ST6GALNAC3: variants seen among roughly 807,000 people sequenced by gnomAD.
The protein encoded by ST6GALNAC3 is ST6 N-acetylgalactosaminide alpha-2,6-sialyltransferase 3.
ST6GALNAC3 carries 25 observed loss-of-function variants against 32.7 expected under a neutral mutation model. The observed-to-expected ratio is 0.76, with a 90% confidence interval of 0.56 to 1.07. The LOEUF is 1.07. Ranked by LOEUF, ST6GALNAC3 falls within the 50% of genes least tolerant of loss-of-function variation. ST6GALNAC3 has a pLI of 0.00. For missense variants in ST6GALNAC3, 355 were observed against 382.4 expected (o/e 0.93, Z 0.60); for synonymous variants, 129 against 133.1 (o/e 0.97, Z 0.21).
intron 3 of ST6GALNAC3, among the ~76,000 whole-genome samples, chr1:76,432,350 T>C (rs898404794): frequency 5.3e-5 from 8 of 152,048 alleles, no homozygotes; most frequent in African/African-American, 1.2e-4. Flanking sequence ...TTTGTGTGCA[T>C]GTAAATTTTC....
chr1:76,570,521 G>A (rs1003459527), intron 3 of ST6GALNAC3, among the ~76,000 whole-genome samples: 2 of 151,900 alleles, frequency 1.3e-5, no homozygotes, highest in Non-Finnish European at 2.9e-5. Context: ...TACTTCATAG[G>A]AAACTACTTA....
At chr1:76,176,209 T>A (rs976831520) in intron 1 of ST6GALNAC3, among the ~76,000 whole-genome samples, 3 of 152,224 alleles carry the variant, frequency 2.0e-5, no homozygotes, top group Non-Finnish European at 4.4e-5. Context: ...CTGCTGGGGC[T>A]GCAAATGCTC....
At chr1:76,221,268 A>G (rs1008982754) in intron 1 of ST6GALNAC3, among the ~76,000 whole-genome samples, 3 of 152,196 alleles carry the variant, frequency 2.0e-5, no homozygotes, top group African/African-American at 7.2e-5. Flanking sequence ...CCTTAATACT[A>G]CAAAGTCATA....
At chr1:76,182,292 G>A (rs904418771) in intron 1 of ST6GALNAC3, among the ~76,000 whole-genome samples, 1 of 152,162 alleles carries the variant, frequency 6.6e-6, no homozygotes, top group Non-Finnish European at 1.5e-5. Context: ...GCACTGGGCA[G>A]CCACTCTTAA....
At chr1:76,407,636 T>G (rs1653925715) in intron 2 of ST6GALNAC3, among the ~76,000 whole-genome samples, 1 of 151,898 alleles carries the variant, frequency 6.6e-6, no homozygotes, top group Admixed American at 6.6e-5. Context: ...CAAAGATGCT[T>G]TGAGTGCACA....
chr1:76,202,708 A>T (rs1011454805), intron 1 of ST6GALNAC3, among the ~76,000 whole-genome samples: 6 of 152,138 alleles, frequency 3.9e-5, no homozygotes, highest in Non-Finnish European at 7.4e-5. Flanking sequence ...GTTGAGTTCA[A>T]TTTTTTGTCA....
At chr1:76,240,867 T>C (rs1159843953) in intron 1 of ST6GALNAC3, among the ~76,000 whole-genome samples, 2 of 152,238 alleles carry the variant, frequency 1.3e-5, no homozygotes, top group African/African-American at 4.8e-5. Flanking sequence ...TTGACTGAGA[T>C]CGCTGGAAAA....
intron 2 of ST6GALNAC3, among the ~76,000 whole-genome samples, chr1:76,350,677 TTATA>T (rs962952951): frequency 2.6e-5 from 4 of 152,192 alleles, no homozygotes; most frequent in African/African-American, 7.2e-5. Context: ...AAGCCTTGTG[TTATA>T]TCAACTCTGT....
At chr1:76,494,450 TATATATATATATATATATAC>T (rs1361671736) in intron 3 of ST6GALNAC3, among the ~76,000 whole-genome samples, 5,018 of 90,832 alleles carry the variant, frequency 0.055, 471 homozygotes, top group African/African-American at 0.15. Context: ...TATATATATA[TATATATATATATATATATAC>T]ACACACACAC....
intron 2 of ST6GALNAC3, among the ~76,000 whole-genome samples, chr1:76,385,669 A>C (rs908925142): frequency 2.0e-5 from 3 of 152,096 alleles, no homozygotes; most frequent in Non-Finnish European, 2.9e-5. Context: ...TTTGTTTTAA[A>C]TCCCTCGAAT....
chr1:76,405,760 TTC>T (rs1038227116), intron 2 of ST6GALNAC3, among the ~76,000 whole-genome samples: 2 of 151,930 alleles, frequency 1.3e-5, no homozygotes, highest in South Asian at 4.2e-4. Flanking sequence ...TTTTGGCCAT[TTC>T]TCTCTCTCCC....
intron 3 of ST6GALNAC3, among the ~76,000 whole-genome samples, chr1:76,518,191 T>C (rs1662289532): frequency 6.6e-6 from 1 of 152,052 alleles, no homozygotes; most frequent in African/African-American, 2.4e-5. Flanking sequence ...ACCTATGATG[T>C]ATTATCTTAA....
At chr1:76,334,989 G>A (rs1384488788) in intron 2 of ST6GALNAC3, among the ~76,000 whole-genome samples, 1 of 152,110 alleles carries the variant, frequency 6.6e-6, no homozygotes, top group Non-Finnish European at 1.5e-5. Flanking sequence ...AAGACCCAAA[G>A]CTCTTCTAAT....
intron 3 of ST6GALNAC3, among the ~76,000 whole-genome samples, chr1:76,512,068 G>A (rs543556707): frequency 6.6e-6 from 1 of 152,250 alleles, no homozygotes; most frequent in East Asian, 1.9e-4. Context: ...TAGGATCCAA[G>A]TTTGGAATTA....
chr1:76,527,434 A>G (rs1662981080), intron 3 of ST6GALNAC3, among the ~76,000 whole-genome samples: 1 of 152,078 alleles, frequency 6.6e-6, no homozygotes, highest in South Asian at 2.1e-4. Flanking sequence ...GTGTCCATGA[A>G]ATAAGTGTTC....
chr1:76,105,342 T>C (rs1308125707), intron 1 of ST6GALNAC3, among the ~76,000 whole-genome samples: 1 of 152,240 alleles, frequency 6.6e-6, no homozygotes, highest in East Asian at 1.9e-4. Context: ...CCTTGGTTAC[T>C]GCTGTCCTGA....
At chr1:76,155,860 T>C (rs1206173132) in intron 1 of ST6GALNAC3, among the ~76,000 whole-genome samples, 1 of 152,206 alleles carries the variant, frequency 6.6e-6, no homozygotes, top group Non-Finnish European at 1.5e-5. Context: ...AGTGAAGGAA[T>C]ATTGATACAT....
chr1:76,285,383 A>AT (rs1202612894), intron 1 of ST6GALNAC3, among the ~76,000 whole-genome samples: 4 of 55,468 alleles, frequency 7.2e-5, no homozygotes, highest in South Asian at 9.5e-4. Context: ...GGTCGGGAGG[A>AT]TGGTGTGTGT....
intron 3 of ST6GALNAC3, 135 bp from the exon 4 acceptor site, chr1:76,627,317 T>C (rs986701806): frequency 1.6e-6 from 1 of 621,540 alleles, no homozygotes; most frequent in Non-Finnish European, 2.9e-6. Context: ...TATTGTCAAG[T>C]TTCTCAACTC....
Sources: gnomAD v4.1 joint callset for allele counts (sites outside exome capture counted in the v4.1 genomes callset) on GRCh38, gnomAD v4.1.1 for gene constraint, MANE v1.5 for transcripts, NCBI Gene and HGNC (gene_info 2026-07-23, HGNC 2026-07-21) for gene names.